LIN7A: variants seen among roughly 807,000 people sequenced by gnomAD.
LIN7A encodes the protein lin-7 cell polarity scaffold A.
LIN7A carries 25 observed loss-of-function variants against 29.8 expected under a neutral mutation model. That is an observed-to-expected ratio of 0.84 (90% CI 0.61 to 1.17). The LOEUF is 1.17. LIN7A is among the 50% of genes most tolerant of loss of function. The pLI is 0.00. For synonymous variants in LIN7A, 118 were observed against 107.5 expected, an observed-to-expected ratio of 1.10 and a Z score of -0.60; for missense variants, 239 against 287.0, an observed-to-expected ratio of 0.83 and a Z score of 1.21.
chr12:80,937,707 CG>C lies in LIN7A; in HGVS notation c.15del (p.Ser5ArgfsTer13). On this transcript the variant is annotated frameshift_variant, in exon 1 of 6. Coordinates refer to ENST00000552864, the MANE Select transcript of LIN7A (RefSeq NM_004664.4). LOFTEE classifies it high-confidence loss of function. MLKP[S>X]VTSAPTADMA... ...ATGTCTGCCGTGGGAGCCGAAGTGA[CG>C]CTCGGCTTCAGCATCAGCAACCGCT... 6.6e-7 allele frequency: 1 copy of C among 1,516,480 alleles called. No individual in the cohort carries two copies. Among genetic ancestry groups the C allele is most frequent in the South Asian group, 1.2e-5 (1 of 81,566 alleles). The allele number at this position is 1,516,480 out of a possible 1,614,324, so 93.9% of individuals were successfully genotyped here.
chr12:80,916,540 G>A (rs1449596233), intron 1 of LIN7A, among the ~76,000 whole-genome samples: 1 of 152,068 alleles, frequency 6.6e-6, no homozygotes, highest in Non-Finnish European at 1.5e-5. Flanking sequence ...TTTGCCCCTT[G>A]TCCCCACTTC....
intron 2 of LIN7A, among the ~76,000 whole-genome samples, chr12:80,854,100 ATCT>A (rs1437747860): frequency 3.9e-5 from 6 of 152,194 alleles, no homozygotes; most frequent in South Asian, 2.1e-4. Flanking sequence ...AGATCCACTC[ATCT>A]TCTTCTAGCT....
At chr12:80,858,418 T>C (rs1455957406) in intron 2 of LIN7A, among the ~76,000 whole-genome samples, 1 of 152,140 alleles carries the variant, frequency 6.6e-6, no homozygotes, top group Non-Finnish European at 1.5e-5. Context: ...GTACAAATCA[T>C]TTAATAACTT....
At chr12:80,908,926 C>T (rs1197874590) in intron 1 of LIN7A, among the ~76,000 whole-genome samples, 1 of 151,650 alleles carries the variant, frequency 6.6e-6, no homozygotes, top group Non-Finnish European at 1.5e-5. Flanking sequence ...AATATTTTCT[C>T]CTAATCTCGT....
chr12:80,815,221 A>T (rs1451844015), intron 4 of LIN7A, among the ~76,000 whole-genome samples: 1 of 152,152 alleles, frequency 6.6e-6, no homozygotes, highest in African/African-American at 2.4e-5. Flanking sequence ...CTTTTAGTCC[A>T]TCAGTATAAC....
chr12:80,932,923 T>C lies in LIN7A; in HGVS notation c.82+4718A>G, dbSNP rs142142827. ...TTTAAAGATTAAAATCTGAGCAAAC[T>C]AACCTCTGATGTAGAGAAGAGTTGC... On this transcript the variant is annotated intron_variant, in intron 1 of 5. Transcript: ENST00000552864. 2.0e-5 allele frequency among the ~76,000 whole-genome samples: 3 copies of C among 152,350 alleles called. No individual in the cohort carries two copies. The East Asian group carries it at 5.8e-4, about 29-fold the overall frequency.
intron 2 of LIN7A, among the ~76,000 whole-genome samples, chr12:80,848,778 G>A (rs935575805): frequency 6.6e-6 from 1 of 152,038 alleles, no homozygotes; most frequent in Admixed American, 6.6e-5. Context: ...AAGTCCATTT[G>A]GTACTAGGCT....
chr12:80,872,414 T>C (rs1284628267), intron 2 of LIN7A, among the ~76,000 whole-genome samples: 1 of 152,190 alleles, frequency 6.6e-6, no homozygotes, highest in Non-Finnish European at 1.5e-5. Context: ...ATATTTTTCA[T>C]GAACTATCAA....
chr12:80,907,053 CTCTGTGTGTGTGTGTG>C (rs1405783041), intron 1 of LIN7A, among the ~76,000 whole-genome samples: 4 of 133,014 alleles, frequency 3.0e-5, no homozygotes, highest in African/African-American at 3.1e-5. Flanking sequence ...AGAGTGCGTG[CTCTGTGTGTGTGTGTG>C]TGTGTGTGTG....
At chr12:80,859,958 T>G (rs899250776) in intron 2 of LIN7A, among the ~76,000 whole-genome samples, 5 of 152,168 alleles carry the variant, frequency 3.3e-5, no homozygotes, top group Non-Finnish European at 5.9e-5. Flanking sequence ...AATTATGACA[T>G]GTGAGTACAT....
chr12:80,908,452 T>C (rs1275099867), intron 1 of LIN7A, among the ~76,000 whole-genome samples: 1 of 152,002 alleles, frequency 6.6e-6, no homozygotes, highest in African/African-American at 2.4e-5. Context: ...TATAATTATA[T>C]GGGAAGTAAG....
intron 4 of LIN7A, among the ~76,000 whole-genome samples, chr12:80,843,219 G>A (rs1043125688): frequency 7.9e-5 from 12 of 152,084 alleles, no homozygotes; most frequent in African/African-American, 2.4e-4. Context: ...TGCATGAAGA[G>A]GATATAAAAA....
chr12:80,826,374 T>C (rs1010415555), intron 4 of LIN7A, among the ~76,000 whole-genome samples: 3 of 152,188 alleles, frequency 2.0e-5, no homozygotes, highest in African/African-American at 7.2e-5. Context: ...CTTCCCTCAA[T>C]CTACATCCAA....
At chr12:80,810,852 C>A (rs536510262) in intron 5 of LIN7A, among the ~76,000 whole-genome samples, 1 of 152,268 alleles carries the variant, frequency 6.6e-6, no homozygotes, top group Non-Finnish European at 1.5e-5. Context: ...AGATGTTGAG[C>A]ATTTTTTCAT....
chr12:80,878,431 T>C (rs376661414), intron 2 of LIN7A, among the ~76,000 whole-genome samples: 3 of 152,210 alleles, frequency 2.0e-5, no homozygotes, highest in Admixed American at 6.5e-5. Flanking sequence ...ATAAAACAAG[T>C]GTGTCTGGAG....
intron 1 of LIN7A, among the ~76,000 whole-genome samples, chr12:80,899,519 C>T (rs2682813): frequency 0.68 from 103,082 of 151,736 alleles, 39,014 homozygotes; most frequent in Non-Finnish European, 0.87. Flanking sequence ...GGGAGGAGTC[C>T]CTCCTTTTCA....
At chr12:80,929,684 T>C (rs1877786506) in intron 1 of LIN7A, among the ~76,000 whole-genome samples, 1 of 152,168 alleles carries the variant, frequency 6.6e-6, no homozygotes. Flanking sequence ...CCACTTTCTT[T>C]TCTAAGTGCC....
At chr12:80,803,810 T>C (rs887845276) in intron 5 of LIN7A, among the ~76,000 whole-genome samples, 1 of 152,176 alleles carries the variant, frequency 6.6e-6, no homozygotes, top group African/African-American at 2.4e-5. Context: ...ATGAAGTAAT[T>C]TGAAGTATGG....
At chr12:80,928,980 G>T (rs773894875) in intron 1 of LIN7A, among the ~76,000 whole-genome samples, 3 of 152,102 alleles carry the variant, frequency 2.0e-5, no homozygotes, top group Non-Finnish European at 4.4e-5. Context: ...AGGGTATGCT[G>T]TATTAGTGTT....
Sources: gnomAD v4.1 joint callset for allele counts (sites outside exome capture counted in the v4.1 genomes callset) on GRCh38, gnomAD v4.1.1 for gene constraint, MANE v1.5 for transcripts, NCBI Gene and HGNC (gene_info 2026-07-23, HGNC 2026-07-21) for gene names.